The following MALRD1 variants were observed in gnomAD, a reference collection of about 807,000 sequenced individuals.
MALRD1 encodes the protein MAM and LDL-receptor class A domain-containing protein 1.
Under a neutral mutation model 242.1 loss-of-function variants are expected in MALRD1, and 247 were observed. The observed-to-expected ratio is 1.02, with a 90% CI of 0.92 to 1.13. The LOEUF (loss-of-function observed/expected upper bound fraction) is 1.13. Ranked by LOEUF, MALRD1 falls within the 50% of genes most tolerant of loss-of-function variation. The pLI is 0.00. For synonymous variants in MALRD1, 995 were observed against 866.6 expected, an observed-to-expected ratio of 1.15 and a Z score of -2.60; for missense variants, 2,989 against 2,533.1, an observed-to-expected ratio of 1.18 and a Z score of -3.86.
At chr10:19,238,503 A>ATT (rs376375813) in intron 18 of MALRD1, among the ~76,000 whole-genome samples, 4,896 of 41,504 alleles carry the variant, frequency 0.12, 579 homozygotes, top group Non-Finnish European at 0.14. Context: ...TATATAATAT[A>ATT]ATATATAATG....
intron 29 of MALRD1, among the ~76,000 whole-genome samples, chr10:19,484,077 C>G (rs1313674155): frequency 1.3e-5 from 2 of 152,106 alleles, no homozygotes; most frequent in African/African-American, 4.8e-5. Flanking sequence ...ACCTTGGGTG[C>G]TCATGGACAT....
At chr10:19,697,488 A>G (rs1331291700) in intron 38 of MALRD1, among the ~76,000 whole-genome samples, 1 of 152,002 alleles carries the variant, frequency 6.6e-6, no homozygotes, top group Non-Finnish European at 1.5e-5. Context: ...CAACCTCTAG[A>G]CTAGTGTCTG....
intron 22 of MALRD1, among the ~76,000 whole-genome samples, chr10:19,326,725 A>G (rs1843149772): frequency 6.6e-6 from 1 of 152,144 alleles, no homozygotes; most frequent in Non-Finnish European, 1.5e-5. Flanking sequence ...TTAATTAAAA[A>G]AACAGATAAT....
At chr10:19,306,510 T>C (rs1325937095) in intron 21 of MALRD1, among the ~76,000 whole-genome samples, 1 of 146,386 alleles carries the variant, frequency 6.8e-6, no homozygotes, top group Non-Finnish European at 1.5e-5. Flanking sequence ...GTACTGTGTA[T>C]AGTATATATA....
At chr10:19,050,020 C>T (rs775672807) in intron 1 of MALRD1, among the ~76,000 whole-genome samples, 1 of 150,672 alleles carries the variant, frequency 6.6e-6, no homozygotes, top group Admixed American at 6.6e-5. Flanking sequence ...GCTATTGGTG[C>T]GGTTAATTAT....
Position 19,209,561 on chromosome 10 carries a change from G to A in MALRD1, c.2872G>A (p.Ala958Thr), listed in dbSNP as rs1421608506. The A allele has an allele frequency of 6.4e-6, 10 of 1,550,688 alleles. No individual in the cohort carries two copies. In the African/African-American group the frequency reaches 1.1e-4, roughly 17 times the overall value. The change falls in exon 18 of 40, where the codon GCA becomes ACA. Residue 958 changes from alanine to threonine, a missense_variant. Ala to Thr is a moderately conservative substitution (Grantham distance 58). Transcript: ENST00000454679. ...HMFGKRIYRL[A>T]IYQRIWSDSR... is the part of the protein sequence containing the mutation. Reference sequence around the variant, plus strand: ...GTTTGGAAAGCGCATTTATAGGTTGGCAATCTACCAACGAATCTGGAGTGA... The same window carrying A: ...GTTTGGAAAGCGCATTTATAGGTTGACAATCTACCAACGAATCTGGAGTGA...
intron 31 of MALRD1, among the ~76,000 whole-genome samples, chr10:19,516,637 C>T (rs1358377258): frequency 1.3e-5 from 2 of 151,204 alleles, no homozygotes; most frequent in Admixed American, 6.6e-5. Flanking sequence ...TCCTCCTCTT[C>T]CTCCTCCTCC....
chr10:19,479,439 G>A (rs1836889155), intron 29 of MALRD1, among the ~76,000 whole-genome samples: 1 of 152,054 alleles, frequency 6.6e-6, no homozygotes, highest in African/African-American at 2.4e-5. Context: ...GTTGGCTAAG[G>A]GTAAAGACTG....
chr10:19,700,729 C>CT (rs1246966971), intron 38 of MALRD1, among the ~76,000 whole-genome samples: 3 of 152,078 alleles, frequency 2.0e-5, no homozygotes, highest in Non-Finnish European at 4.4e-5. Flanking sequence ...AAACAAAAGG[C>CT]TTTTTTCCCT....
At chr10:19,652,571 C>T (rs996359603) in intron 36 of MALRD1, among the ~76,000 whole-genome samples, 1 of 152,102 alleles carries the variant, frequency 6.6e-6, no homozygotes, top group African/African-American at 2.4e-5. Context: ...GGGAGATGCT[C>T]TGTGAACCAA....
At chr10:19,704,429 T>G (rs1833767015) in intron 38 of MALRD1, among the ~76,000 whole-genome samples, 1 of 152,198 alleles carries the variant, frequency 6.6e-6, no homozygotes, top group Non-Finnish European at 1.5e-5. Context: ...CTGGAGCCTC[T>G]TTGCCTTCTT....
At chr10:19,708,811 G>A (rs1320238255) in intron 38 of MALRD1, among the ~76,000 whole-genome samples, 4 of 120,836 alleles carry the variant, frequency 3.3e-5, no homozygotes, top group African/African-American at 1.1e-4. Context: ...ACAGGCGCAC[G>A]CCACCACACC....
chr10:19,565,735 T>C (rs1052886861), intron 32 of MALRD1, among the ~76,000 whole-genome samples: 1 of 152,214 alleles, frequency 6.6e-6, no homozygotes, highest in African/African-American at 2.4e-5. Flanking sequence ...TCCCTTCTGA[T>C]TGAATCTTAG....
At chr10:19,113,792 T>TACACAC (rs753384799) in intron 5 of MALRD1, among the ~76,000 whole-genome samples, 13,268 of 134,310 alleles carry the variant, frequency 0.099, 744 homozygotes, top group South Asian at 0.13. Context: ...TACCACCCCC[T>TACACAC]ACACACACAC....
chr10:19,658,516 A>AAC (rs1357746837), intron 36 of MALRD1, among the ~76,000 whole-genome samples: 5 of 151,900 alleles, frequency 3.3e-5, no homozygotes, highest in African/African-American at 4.8e-5. Flanking sequence ...CATACACACA[A>AAC]ACACACACCC....
chr10:19,075,514 A>G (rs1335651538), intron 2 of MALRD1, among the ~76,000 whole-genome samples: 1 of 152,068 alleles, frequency 6.6e-6, no homozygotes, highest in African/African-American at 2.4e-5. Context: ...ATCACAAGAA[A>G]GTAATACAGG....
chr10:19,157,646 A>C (rs1380141874), intron 12 of MALRD1, among the ~76,000 whole-genome samples: 1 of 152,192 alleles, frequency 6.6e-6, no homozygotes, highest in Non-Finnish European at 1.5e-5. Flanking sequence ...ATTGGAACGT[A>C]TTGATAATAG....
At chr10:19,718,082 AAGT>A (rs1342504351) in intron 38 of MALRD1, among the ~76,000 whole-genome samples, 7 of 130,028 alleles carry the variant, frequency 5.4e-5, no homozygotes, top group African/African-American at 1.8e-4. Flanking sequence ...GGAGAGGAAT[AAGT>A]AGAAGAAGAA....
chr10:19,085,717 G>GA (rs1434651581), intron 2 of MALRD1, among the ~76,000 whole-genome samples: 1 of 151,740 alleles, frequency 6.6e-6, no homozygotes, highest in Non-Finnish European at 1.5e-5. Context: ...AAATATCACT[G>GA]AAAAATGCTA....
Sources: allele counts gnomAD v4.1 joint callset (sites outside exome capture counted in the v4.1 genomes callset), GRCh38; gene constraint gnomAD v4.1.1; transcripts MANE v1.5; gene names NCBI Gene and HGNC (gene_info 2026-07-23, HGNC 2026-07-21).